The following GABBR2 variants were observed in gnomAD, a reference collection of about 807,000 sequenced individuals.
GABBR2 encodes the protein gamma-aminobutyric acid type B receptor subunit 2.
A neutral mutation model predicts 105.6 loss-of-function variants in GABBR2; 23 were observed. The observed-to-expected ratio is 0.22, with a 90% CI of 0.16 to 0.31. The LOEUF (loss-of-function observed/expected upper bound fraction) is 0.31, where lower values mean the gene tolerates loss of function less well. Ranked by LOEUF, GABBR2 falls within the 10% of genes least tolerant of loss-of-function variation. GABBR2 has a pLI of 1.00. For missense variants in GABBR2, 734 were observed against 1,245.5 expected (o/e 0.59, Z 6.18); for synonymous variants, 478 against 499.7 (o/e 0.96, Z 0.58).
intron 7 of GABBR2, among the ~76,000 whole-genome samples, chr9:98,408,744 T>C (rs763921144): frequency 6.6e-6 from 1 of 152,240 alleles, no homozygotes; most frequent in Non-Finnish European, 1.5e-5. Flanking sequence ...TAGTGATGAA[T>C]GCTATGAGAA....
intron 13 of GABBR2, among the ~76,000 whole-genome samples, chr9:98,342,248 T>C (rs1831226039): frequency 2.0e-5 from 3 of 151,638 alleles, no homozygotes; most frequent in Non-Finnish European, 4.4e-5. Context: ...GATGGCATAT[T>C]GGGGGTGGAA....
intron 13 of GABBR2, among the ~76,000 whole-genome samples, chr9:98,319,465 T>TTC (rs1554690539): frequency 1.3e-5 from 2 of 151,454 alleles, no homozygotes; most frequent in Non-Finnish European, 2.9e-5. Flanking sequence ...TTTTTTTTTT[T>TTC]CCAGAATCAG....
chr9:98,389,140 G>A, intron 9 of GABBR2, 136 bp from the exon 10 acceptor site: 1 of 669,556 alleles, frequency 1.5e-6, no homozygotes, highest in Non-Finnish European at 2.5e-6. Context: ...TACCGGGTGA[G>A]CCAGATCCGG....
intron 1 of GABBR2, among the ~76,000 whole-genome samples, chr9:98,638,414 A>C (rs901988898): frequency 6.6e-6 from 1 of 152,228 alleles, no homozygotes; most frequent in Non-Finnish European, 1.5e-5. Flanking sequence ...AGAGAAGCGA[A>C]GCAGAGATGG....
At chr9:98,636,854 C>T (rs1829884430) in intron 1 of GABBR2, among the ~76,000 whole-genome samples, 1 of 152,130 alleles carries the variant, frequency 6.6e-6, no homozygotes, top group Admixed American at 6.5e-5. Flanking sequence ...GGGCCAATCT[C>T]CCAACCCACA....
At chr9:98,301,433 G>A (rs1830467466) in intron 16 of GABBR2, among the ~76,000 whole-genome samples, 2 of 152,248 alleles carry the variant, frequency 1.3e-5, no homozygotes, top group Admixed American at 1.3e-4. Context: ...GAAAAACATG[G>A]TTAGAGGATT....
chr9:98,596,397 A>G (rs551344612), intron 1 of GABBR2, among the ~76,000 whole-genome samples: 22 of 152,322 alleles, frequency 1.4e-4, no homozygotes, highest in African/African-American at 5.1e-4. Context: ...GGGGGAAATA[A>G]AGGCAGTCAC....
Position 98,400,289 on chromosome 9 carries a change from C to T in GABBR2, c.1297+5792G>A, listed in dbSNP as rs577133622. Among the ~76,000 whole-genome samples the T allele has an allele frequency of 2.6e-5, 4 of 151,470 alleles. No individual in the cohort carries two copies. The South Asian group carries it at 6.3e-4, about 24-fold the overall frequency. On this transcript the variant is annotated intron_variant, in intron 8 of 18. Coordinates refer to ENST00000259455, the MANE Select transcript of GABBR2 (RefSeq NM_005458.8). Reference sequence around the variant, plus strand: ...ATAAGCACAGAAAGAAATATCCAAACTCATTAGGAATCAGAGAAACGATAC... The same window carrying T: ...ATAAGCACAGAAAGAAATATCCAAATTCATTAGGAATCAGAGAAACGATAC...
At chr9:98,551,159 T>C (rs1828479478) in intron 2 of GABBR2, among the ~76,000 whole-genome samples, 1 of 152,078 alleles carries the variant, frequency 6.6e-6, no homozygotes. Context: ...TCCCAGCACT[T>C]TGGGAGGCCG....
At chr9:98,385,855 G>GAT in intron 10 of GABBR2, 83 bp from the exon 11 acceptor site, 2 of 1,095,954 alleles carry the variant, frequency 1.8e-6, no homozygotes, top group Non-Finnish European at 2.8e-6. Flanking sequence ...ACGCCTGCTA[G>GAT]ATATATATTG....
chr9:98,297,344 C>T (rs1830397465), intron 17 of GABBR2, among the ~76,000 whole-genome samples: 1 of 152,204 alleles, frequency 6.6e-6, no homozygotes, highest in Admixed American at 6.5e-5. Context: ...GGCATGGTGG[C>T]TTATGCCTGT....
chr9:98,496,968 C>T (rs868516327), intron 3 of GABBR2, among the ~76,000 whole-genome samples: 1 of 152,206 alleles, frequency 6.6e-6, no homozygotes, highest in South Asian at 2.1e-4. Flanking sequence ...AAGTATGGAA[C>T]CTGCCTATGA....
chr9:98,683,190 T>G (rs2131871424), intron 1 of GABBR2, among the ~76,000 whole-genome samples: 1 of 152,230 alleles, frequency 6.6e-6, no homozygotes, highest in South Asian at 2.1e-4. Context: ...ACCTCCCAGA[T>G]TCAATCGATT....
intron 1 of GABBR2, among the ~76,000 whole-genome samples, chr9:98,705,038 G>T (rs1011991688): frequency 6.6e-6 from 1 of 151,880 alleles, no homozygotes. Context: ...TACCTTGACT[G>T]CCAGGAAGCT....
At chr9:98,352,600 T>C (rs1831418302) in intron 13 of GABBR2, among the ~76,000 whole-genome samples, 1 of 152,016 alleles carries the variant, frequency 6.6e-6, no homozygotes, top group South Asian at 2.1e-4. Context: ...ATGCTGGTTA[T>C]GGTGAGTGGG....
At chr9:98,336,917 G>A (rs1831125843) in intron 13 of GABBR2, among the ~76,000 whole-genome samples, 1 of 152,080 alleles carries the variant, frequency 6.6e-6, no homozygotes, top group Admixed American at 6.5e-5. Context: ...TGGCTATTCA[G>A]GAAAATGGAA....
intron 1 of GABBR2, among the ~76,000 whole-genome samples, chr9:98,585,144 C>G (rs1453671413): frequency 6.6e-6 from 1 of 151,832 alleles, no homozygotes; most frequent in African/African-American, 2.4e-5. Flanking sequence ...AATGGTCCCC[C>G]AAATACCTCC....
At chr9:98,313,301 G>A (rs1361828633) in intron 13 of GABBR2, among the ~76,000 whole-genome samples, 1 of 152,106 alleles carries the variant, frequency 6.6e-6, no homozygotes, top group Non-Finnish European at 1.5e-5. Context: ...CTTTTTAGTG[G>A]AGAATGGTGT....
At chr9:98,422,396 C>T (rs1358900490) in intron 7 of GABBR2, among the ~76,000 whole-genome samples, 2 of 152,048 alleles carry the variant, frequency 1.3e-5, no homozygotes, top group East Asian at 3.8e-4. Context: ...ACTACTTAGT[C>T]GAATTAAGTG....
Sources: gnomAD v4.1 joint callset for allele counts (sites outside exome capture counted in the v4.1 genomes callset) on GRCh38, gnomAD v4.1.1 for gene constraint, MANE v1.5 for transcripts, NCBI Gene and HGNC (gene_info 2026-07-23, HGNC 2026-07-21) for gene names.